The following MCF2L variants were observed in gnomAD, a reference collection of about 807,000 sequenced individuals.
The protein encoded by MCF2L is MCF.2 cell line derived transforming sequence like, also known as guanine nucleotide exchange factor DBS.
A neutral mutation model predicts 153.4 loss-of-function variants in MCF2L; 97 were observed. The observed-to-expected ratio is 0.63, with a 90% CI of 0.54 to 0.75. MCF2L has a LOEUF of 0.75. Among genes scored for constraint, MCF2L ranks in the 30% least tolerant of loss-of-function variants. The pLI is 0.00. For synonymous variants in MCF2L, 659 were observed against 632.2 expected, an observed-to-expected ratio of 1.04 and a Z score of -0.64; for missense variants, 1,347 against 1,495.2, an observed-to-expected ratio of 0.90 and a Z score of 1.64.
Position 113,087,381 on chromosome 13 carries a change from C to A in MCF2L, c.2520C>A (p.Leu840=), listed in dbSNP as rs2034734863. Residue 840 remains leucine, a synonymous_variant, in exon 22 of 30, where the codon CTC becomes CTA. Transcript: ENST00000535094. ...RHLFLHEKAV[L]FCKKREENGE... Reference sequence around the variant, plus strand: ...TGTTCCTGCACGAGAAGGCAGTGCTCTTCTGCAAGAAGAGGGAGGAGAATG... The same window carrying A: ...TGTTCCTGCACGAGAAGGCAGTGCTATTCTGCAAGAAGAGGGAGGAGAATG... 1.9e-6 allele frequency: 3 copies of A among 1,613,404 alleles called. No homozygotes were observed. Among genetic ancestry groups the A allele is most frequent in the Non-Finnish European group, 2.5e-6 (3 of 1,180,012 alleles).
intron 1 of MCF2L, among the ~76,000 whole-genome samples, chr13:113,000,551 T>G (rs2083320991): frequency 6.6e-6 from 1 of 152,150 alleles, no homozygotes; most frequent in South Asian, 2.1e-4. Context: ...AGCGCAATCA[T>G]GGCTGCAAGA....
intron 2 of MCF2L, among the ~76,000 whole-genome samples, chr13:113,022,422 G>T (rs1470123578): frequency 3.5e-5 from 4 of 115,574 alleles, no homozygotes; most frequent in Non-Finnish European, 6.7e-5. Context: ...CGTGGCCCAT[G>T]CCCATTTGCA....
chr13:113,024,381 A>G (rs529647209), intron 2 of MCF2L, among the ~76,000 whole-genome samples: 2 of 152,368 alleles, frequency 1.3e-5, no homozygotes, highest in African/African-American at 4.8e-5. Flanking sequence ...AGGCTTGGAA[A>G]GAAGCATGTT....
intron 1 of MCF2L, among the ~76,000 whole-genome samples, chr13:113,011,378 G>T (rs907038164): frequency 6.6e-6 from 1 of 152,274 alleles, no homozygotes; most frequent in East Asian, 1.9e-4. Context: ...GAGGCACTGC[G>T]GGCTGCCAGC....
chr13:112,945,188 G>A (rs1304655666), intron 2 of MCF2L, among the ~76,000 whole-genome samples: 1 of 152,032 alleles, frequency 6.6e-6, no homozygotes, highest in Non-Finnish European at 1.5e-5. Flanking sequence ...TATCACACAG[G>A]GGAGTTTTAG....
At chr13:113,055,372 C>T (rs1466033631) in intron 4 of MCF2L, among the ~76,000 whole-genome samples, 1 of 58,754 alleles carries the variant, frequency 1.7e-5, no homozygotes, top group Non-Finnish European at 3.5e-5. Context: ...GACGTGGACC[C>T]CCCCCCCCGC....
At chr13:113,066,215 G>A (rs200121854) in intron 8 of MCF2L, 45 bp downstream of exon 8, 3 of 1,549,058 alleles carry the variant, frequency 1.9e-6, no homozygotes, top group African/African-American at 1.4e-5. Context: ...CCCAGTCCAT[G>A]GCAGGATCCT....
intron 3 of MCF2L, among the ~76,000 whole-genome samples, chr13:113,036,428 T>C (rs1291111875): frequency 2.0e-5 from 3 of 152,234 alleles, no homozygotes; most frequent in Non-Finnish European, 4.4e-5. Flanking sequence ...CCTGTGTCTC[T>C]GTGCTCTGGG....
At chr13:112,924,454 G>A (rs977117406) in intron 2 of MCF2L, among the ~76,000 whole-genome samples, 1 of 152,036 alleles carries the variant, frequency 6.6e-6, no homozygotes, top group Non-Finnish European at 1.5e-5. Context: ...ATCATAGGTA[G>A]GAACAAAAAC....
intron 1 of MCF2L, among the ~76,000 whole-genome samples, chr13:112,988,846 C>T (rs1217930630): frequency 4.8e-5 from 4 of 83,732 alleles, no homozygotes; most frequent in African/African-American, 9.1e-5. Flanking sequence ...GGAGCTACCA[C>T]GCCCAAGTCC....
At chr13:112,920,981 C>T (rs1407045503) in intron 2 of MCF2L, among the ~76,000 whole-genome samples, 2 of 150,142 alleles carry the variant, frequency 1.3e-5, no homozygotes, top group African/African-American at 4.9e-5. Flanking sequence ...TCCTGGCTAA[C>T]ATGGTGAAAC....
At chr13:113,076,976 C>A in intron 12 of MCF2L, 76 bp from the exon 13 acceptor site, 1 of 1,488,364 alleles carries the variant, frequency 6.7e-7, no homozygotes, top group Non-Finnish European at 9.1e-7. Context: ...TGCCCCGGCA[C>A]GTTCTGCGCC....
At chr13:112,916,898 G>A (rs2081298104) in intron 2 of MCF2L, among the ~76,000 whole-genome samples, 1 of 151,966 alleles carries the variant, frequency 6.6e-6, no homozygotes, top group African/African-American at 2.4e-5. Context: ...GCCTGTCCCT[G>A]AACCTCTGCT....
At chr13:112,902,475 T>C (rs1056711684) in intron 2 of MCF2L, 1 of 1,234,410 alleles carries the variant, frequency 8.1e-7, no homozygotes. Context: ...TTGACAAGGT[T>C]TAGATCCTGG....
Position 113,075,229 on chromosome 13 carries a change from C to T in MCF2L, c.1308+40C>T, listed in dbSNP as rs756398099. On this transcript the variant is annotated intron_variant, in intron 11 of 29. Coordinates refer to ENST00000535094, the MANE Select transcript of MCF2L (RefSeq NM_001112732.3). ...ACCCCACCCCACTCCCCCCCAGCTG[C>T]GGAACCAGCCTCTTCCTCCCACATC... 17 of 1,528,884 alleles carry T rather than the reference C, an allele frequency of 1.1e-5. 1 individual carries two copies. The highest frequency in any genetic ancestry group is 3.7e-5 in the South Asian group (3 of 81,810). The allele number at this position is 1,528,884 out of a possible 1,614,324, so 94.7% of individuals were successfully genotyped here. A position where few individuals can be genotyped will look rare whatever the true frequency, so the allele number is the denominator to read the frequency against.
chr13:112,940,002 C>T (rs536268379), intron 2 of MCF2L, among the ~76,000 whole-genome samples: 5 of 149,444 alleles, frequency 3.3e-5, no homozygotes, highest in South Asian at 2.1e-4. Context: ...AGGTGCAGAG[C>T]GGGCTTACAG....
intron 4 of MCF2L, among the ~76,000 whole-genome samples, chr13:113,056,098 G>T (rs2087749432): frequency 6.6e-6 from 1 of 152,248 alleles, no homozygotes; most frequent in African/African-American, 2.4e-5. Flanking sequence ...GGGGTCCTGT[G>T]GGAAAGGTGT....
chr13:112,968,790 T>G, upstream of MCF2L: 2 of 1,345,734 alleles, frequency 1.5e-6, no homozygotes, highest in South Asian at 1.8e-5. Context: ...GCTTCGCGGC[T>G]GCCCGCAAAC....
At chr13:113,060,509 C>A in intron 4 of MCF2L, 84 bp from the exon 5 acceptor site, 2 of 1,536,940 alleles carry the variant, frequency 1.3e-6, no homozygotes, top group South Asian at 1.2e-5. Context: ...CGCCCCCGGT[C>A]AGCCCAGCGT....
Sources: allele counts gnomAD v4.1 joint callset (sites outside exome capture counted in the v4.1 genomes callset), GRCh38; gene constraint gnomAD v4.1.1; transcripts MANE v1.5; gene names NCBI Gene and HGNC (gene_info 2026-07-23, HGNC 2026-07-21).